The following KCNIP4 variants were observed in gnomAD, a reference collection of about 807,000 sequenced individuals.
KCNIP4 encodes the protein potassium voltage-gated channel interacting protein 4.
A neutral mutation model predicts 34.0 loss-of-function variants in KCNIP4; 12 were observed. The ratio of observed to expected loss-of-function variants is 0.35; its 90% CI spans 0.23 to 0.57. KCNIP4 has a LOEUF of 0.57. Among genes scored for constraint, KCNIP4 ranks in the 20% least tolerant of loss-of-function variants. KCNIP4 has a pLI of 0.83. For synonymous variants in KCNIP4, 124 were observed against 102.2 expected (o/e 1.21, Z -1.29); for missense variants, 238 against 311.7 (o/e 0.76, Z 1.78).
intron 1 of KCNIP4, among the ~76,000 whole-genome samples, chr4:21,494,315 G>T (rs549540625): frequency 1.0e-3 from 153 of 151,900 alleles, no homozygotes; most frequent in Non-Finnish European, 1.8e-3. Flanking sequence ...GATTGACTTA[G>T]AAAATTTAAA....
intron 1 of KCNIP4, among the ~76,000 whole-genome samples, chr4:21,169,956 C>T (rs1753899165): frequency 6.6e-6 from 1 of 151,964 alleles, no homozygotes; most frequent in Admixed American, 6.6e-5. Flanking sequence ...CATGTTTATA[C>T]CAAAGAAGAA....
intron 1 of KCNIP4, among the ~76,000 whole-genome samples, chr4:20,896,171 C>T (rs995510889): frequency 1.4e-4 from 22 of 152,032 alleles, no homozygotes; most frequent in Non-Finnish European, 1.3e-4. Flanking sequence ...CATGCATGCT[C>T]GGTTTGCCAG....
chr4:21,183,701 C>G (rs562314780), intron 1 of KCNIP4, among the ~76,000 whole-genome samples: 2 of 152,104 alleles, frequency 1.3e-5, no homozygotes, highest in East Asian at 1.9e-4. Flanking sequence ...TTGTTCCCCC[C>G]CATTCTTGTT....
At chr4:21,027,330 G>T (rs6819439) in intron 1 of KCNIP4, among the ~76,000 whole-genome samples, 1 of 151,756 alleles carries the variant, frequency 6.6e-6, no homozygotes, top group African/African-American at 2.4e-5. Flanking sequence ...CAGAAGCTGT[G>T]CGGCCCGTGA....
At chr4:21,564,805 G>A (rs182376282) in intron 1 of KCNIP4, among the ~76,000 whole-genome samples, 12 of 152,104 alleles carry the variant, frequency 7.9e-5, no homozygotes, top group East Asian at 5.9e-4. Flanking sequence ...CAGAGGTGAC[G>A]CAGTGAGAGA....
rs928650913 is a variant in KCNIP4, at chr4:21,217,071, A to G, written c.62-334362T>C. On this transcript the variant is annotated intron_variant, in intron 1 of 8. Coordinates refer to ENST00000382152, the MANE Select transcript of KCNIP4 (RefSeq NM_025221.6). Reference sequence around the variant, plus strand: ...AGCTGCATTATCTTATCTACTTTTCATTACGAGCTACGAAGTAGATGTTAT... The same window carrying G: ...AGCTGCATTATCTTATCTACTTTTCGTTACGAGCTACGAAGTAGATGTTAT... 2.6e-5 allele frequency among the ~76,000 whole-genome samples: 4 copies of G among 152,336 alleles called. No homozygotes were observed. The South Asian group carries it at 8.3e-4, about 32-fold the overall frequency.
chr4:21,804,673 T>A (rs1252774787), intron 1 of KCNIP4, among the ~76,000 whole-genome samples: 3 of 152,206 alleles, frequency 2.0e-5, no homozygotes, highest in Non-Finnish European at 4.4e-5. Context: ...TTCTAAGATA[T>A]TCAAAATTTA....
At chr4:21,028,973 A>G (rs1740777699) in intron 1 of KCNIP4, among the ~76,000 whole-genome samples, 1 of 152,176 alleles carries the variant, frequency 6.6e-6, no homozygotes, top group South Asian at 2.1e-4. Flanking sequence ...TCTTGTGTGG[A>G]GCATGAGTGG....
chr4:21,355,379 G>A (rs992591735), intron 1 of KCNIP4, among the ~76,000 whole-genome samples: 41 of 152,018 alleles, frequency 2.7e-4, no homozygotes, highest in African/African-American at 9.9e-4. Context: ...TTTTTGAAAA[G>A]ACCAAACAAA....
intron 1 of KCNIP4, among the ~76,000 whole-genome samples, chr4:21,218,267 G>A (rs960652841): frequency 4.0e-5 from 6 of 151,802 alleles, no homozygotes; most frequent in South Asian, 4.2e-4. Context: ...CACCCGCCTC[G>A]GCCTTCCAAA....
intron 1 of KCNIP4, among the ~76,000 whole-genome samples, chr4:21,883,435 C>T (rs2109388628): frequency 6.6e-6 from 1 of 152,130 alleles, no homozygotes; most frequent in South Asian, 2.1e-4. Flanking sequence ...AGACATGAGC[C>T]ACAGTGTCTG....
chr4:21,462,499 C>T (rs1729542417), intron 1 of KCNIP4, among the ~76,000 whole-genome samples: 1 of 152,104 alleles, frequency 6.6e-6, no homozygotes, highest in African/African-American at 2.4e-5. Flanking sequence ...CCTGGTCCCT[C>T]CCACAACACA....
chr4:21,377,103 T>A (rs1478872949), intron 1 of KCNIP4, among the ~76,000 whole-genome samples: 1 of 152,222 alleles, frequency 6.6e-6, no homozygotes, highest in Non-Finnish European at 1.5e-5. Context: ...GCAGGGCTGG[T>A]TGAATTCTGT....
intron 1 of KCNIP4, among the ~76,000 whole-genome samples, chr4:21,626,172 C>A (rs1577713733): frequency 6.6e-6 from 1 of 152,034 alleles, no homozygotes; most frequent in South Asian, 2.1e-4. Flanking sequence ...TGAAAAGTTC[C>A]TACCTAAGAC....
rs189458583 is a variant in KCNIP4, at chr4:21,111,938, T to C, written c.62-229229A>G. Among the ~76,000 whole-genome samples, 8 of 152,314 alleles carry C rather than the reference T, an allele frequency of 5.3e-5. No homozygotes were observed. In the East Asian group the frequency reaches 1.5e-3, roughly 29 times the overall value. ...CCAGTGGAATCAGGCTTCTGATACC[T>C]AGTGCAATGATAGAGCAAAACAGAA... On this transcript the variant is annotated intron_variant, in intron 1 of 8. Transcript: ENST00000382152.
chr4:20,768,971 C>G (rs895020940), intron 3 of KCNIP4, among the ~76,000 whole-genome samples: 1 of 151,632 alleles, frequency 6.6e-6, no homozygotes, highest in African/African-American at 2.4e-5. Flanking sequence ...TCAGGGTCAC[C>G]CAGGATGAAG....
intron 1 of KCNIP4, among the ~76,000 whole-genome samples, chr4:21,470,242 G>GGAGTGGAGAAGGGAGGGAGATTAGCTCCT (rs1730345757): frequency 6.6e-6 from 1 of 152,120 alleles, no homozygotes; most frequent in African/African-American, 2.4e-5. Flanking sequence ...TGACTAGTCT[G>GGAGTGGAGAAGGGAGGGAGATTAGCTCCT]GAGTGGAGAA....
At chr4:21,790,700 TG>T (rs1212792126) in intron 1 of KCNIP4, among the ~76,000 whole-genome samples, 1 of 152,126 alleles carries the variant, frequency 6.6e-6, no homozygotes, top group African/African-American at 2.4e-5. Flanking sequence ...TTCTGAAAGA[TG>T]CTTCAGCATA....
chr4:21,843,616 A>G (rs1258923120), intron 1 of KCNIP4: 1 of 152,024 alleles, frequency 6.6e-6, no homozygotes, highest in Non-Finnish European at 1.5e-5. Context: ...ATCTGAACCA[A>G]CTGGCCCTGC....
Sources: allele counts gnomAD v4.1 joint callset (sites outside exome capture counted in the v4.1 genomes callset), GRCh38; gene constraint gnomAD v4.1.1; transcripts MANE v1.5; gene names NCBI Gene and HGNC (gene_info 2026-07-23, HGNC 2026-07-21).